FBXL6: variants seen among roughly 807,000 people sequenced by gnomAD.
FBXL6 encodes F-box/LRR-repeat protein 6.
Under a neutral mutation model 53.3 loss-of-function variants are expected in FBXL6, and 50 were observed. The observed-to-expected ratio is 0.94, with a 90% CI of 0.75 to 1.19. The LOEUF is 1.19. Among genes scored for constraint, FBXL6 ranks in the 50% most tolerant of loss-of-function variants. FBXL6 has a pLI of 0.00. For synonymous variants in FBXL6, 405 were observed against 322.9 expected (o/e 1.25, Z -2.73); for missense variants, 815 against 719.0 (o/e 1.13, Z -1.53).
intron 2 of FBXL6, 52 bp downstream of exon 2, chr8:144,357,576 G>A (rs200802955): frequency 1.6e-4 from 252 of 1,608,522 alleles, no homozygotes; most frequent in Admixed American, 1.4e-3. Context: ...CTTGGTGCAG[G>A]GAGACGGAAG....
At chr8:144,357,532 T>A in intron 2 of FBXL6, 30 bp from the exon 3 acceptor site, 1 of 1,613,124 alleles carries the variant, frequency 6.2e-7, no homozygotes, top group Non-Finnish European at 8.5e-7. Flanking sequence ...AGAGCTGCAC[T>A]AATGTTCCCA....
At position 144,358,355 on chromosome 8, in the gene FBXL6, C is replaced by T. The variant is rs1554853472; in HGVS notation, c.93G>A (p.Ala31=). The T allele has an allele frequency of 1.6e-6, 2 of 1,267,290 alleles. No individual in the cohort carries two copies. Among genetic ancestry groups the T allele is most frequent in the African/African-American group, 1.5e-5 (1 of 65,936 alleles). 78.5% of individuals were successfully genotyped at this position (1,267,290 alleles called of 1,614,324 possible). Residue 31 remains alanine (A), a synonymous_variant, in exon 1 of 9, where the codon GCG becomes GCA. Transcript: ENST00000331890. The part of the protein sequence containing the change: ...SAEDWWWDRL[A]PRGSGYHLLQ... ...GCAGGTGGTACCCCGAGCCCCTCGG[C>T]GCCAGCCGGTCCCACCACCAGTCCT...
In FBXL6 at chr8:144,356,697, TG is replaced by T; in HGVS notation, c.895del (p.Gln299SerfsTer7). ...LGALLGSCCP[Q>X]LQVLEVSTGI... ...GGTGCTCACCTCCAGGACCTGGAGC[TG>T]GGGGCAGCAGCTGCCCTGCAGAGAT... On this transcript the variant is annotated frameshift_variant, in exon 6 of 9. Transcript: ENST00000331890. LOFTEE classifies it high-confidence loss of function. The T allele has an allele frequency of 6.2e-7, 1 of 1,611,394 alleles. No homozygotes were observed. The highest frequency in any genetic ancestry group is 8.5e-7 in the Non-Finnish European group (1 of 1,179,702).
Position 144,356,841 on chromosome 8 carries a change from G to C in FBXL6, c.846C>G (p.Ser282Arg). 6.2e-7 allele frequency: 1 copy of C among 1,613,276 alleles called. No individual in the cohort carries two copies. Among genetic ancestry groups the C allele is most frequent in the Non-Finnish European group, 8.5e-7 (1 of 1,180,004 alleles). The change falls in exon 5 of 9, where the codon AGC (serine) becomes AGG (arginine). Residue 282 changes from serine (S) to arginine (R), a missense_variant. Ser to Arg is a moderately radical substitution (Grantham distance 110). Coordinates refer to ENST00000331890, the MANE Select transcript of FBXL6 (RefSeq NM_012162.4). ...CGCCCAGGATGGCTGTCGTCTGGGA[G>C]CTGTAGGTCAGCCACAACTTGCGCA... is the stretch of plus-strand genomic sequence containing the variant. Reference protein sequence around the residue: ...SRMRKLWLTYSSQTTAILGAL... With the variant: ...SRMRKLWLTYRSQTTAILGAL...
chr8:144,355,736 G>C (rs1818372396), intron 8 of FBXL6, 58 bp from the exon 9 acceptor site: 2 of 1,590,502 alleles, frequency 1.3e-6, no homozygotes, highest in South Asian at 2.2e-5. Context: ...GCTGGGCCAG[G>C]CTAGGGAGCT....
In FBXL6 at chr8:144,356,654, G is replaced by A. The variant is rs576727660; in HGVS notation, c.939C>T (p.Ser313=). 88 of 1,612,968 alleles carry A rather than the reference G, an allele frequency of 5.5e-5. No homozygotes were observed. The South Asian group carries it at 8.9e-4, about 16-fold the overall frequency. ...CCTCGACAGGCAGCTGAAGGGGAATGCTATTACGGTTGATGCCGGTGCTCA... is the reference window on the plus strand; with the variant it reads ...CCTCGACAGGCAGCTGAAGGGGAATACTATTACGGTTGATGCCGGTGCTCA... ...LEVSTGINRN[S]IPLQLPVEAL... Residue 313 remains serine, a synonymous_variant, in exon 6 of 9, where the codon AGC becomes AGT. Coordinates refer to ENST00000331890, the MANE Select transcript of FBXL6 (RefSeq NM_012162.4).
chr8:144,357,848 G>T, intron 1 of FBXL6, 62 bp from the exon 2 acceptor site: 2 of 1,450,902 alleles, frequency 1.4e-6, no homozygotes, highest in Non-Finnish European at 1.8e-6. Context: ...CTCTCGCAGC[G>T]CAGTAGACAC....
rs782240396 is a variant in FBXL6 at position 144,358,169 on chromosome 8, G to C, written c.279C>G (p.Pro93=). ...TGGGCGTGGGTGCCGGTGCGGGTGC[G>C]GGCGCGGCCGCCGCCTCGGACCTGA... The part of the protein sequence containing the change: ...AGLRSEAAAA[P]APAPAPTPTP... The change falls in exon 1 of 9, where the codon CCC becomes CCG. Residue 93 remains proline (P), a synonymous_variant. Coordinates refer to ENST00000331890, the MANE Select transcript of FBXL6 (RefSeq NM_012162.4). The C allele has an allele frequency of 8.8e-6, 13 of 1,484,582 alleles. No homozygotes were observed. Among genetic ancestry groups the C allele is most frequent in the South Asian group, 1.3e-5 (1 of 76,866 alleles). 92.0% of individuals were successfully genotyped at this position (1,484,582 alleles called of 1,614,324 possible). A position where few individuals can be genotyped will look rare whatever the true frequency, so the allele number is the denominator to read the frequency against.
chr8:144,358,334 G>C lies in FBXL6; in HGVS notation c.114C>G (p.His38Gln). ...GCAGCATGCTGTCGGACTGCAGCAG[G>C]TGGTACCCCGAGCCCCTCGGCGCCA... ...DRLAPRGSGYHLLQSDSMLLV... is the reference protein window; with the variant it reads ...DRLAPRGSGYQLLQSDSMLLV... Residue 38 changes from histidine (H) to glutamine (Q), a missense_variant, in exon 1 of 9, where the codon CAC becomes CAG. Transcript: ENST00000331890. 7.9e-7 allele frequency: 1 copy of C among 1,268,124 alleles called. No homozygotes were observed. Among genetic ancestry groups the C allele is most frequent in the Non-Finnish European group, 9.9e-7 (1 of 1,008,566 alleles). 78.6% of individuals were successfully genotyped at this position (1,268,124 alleles called of 1,614,324 possible).
rs782387578 is a variant in FBXL6 at position 144,357,836 on chromosome 8, C to G, written c.417-50G>C. The G allele has an allele frequency of 2.8e-4, 403 of 1,458,006 alleles. 1 individual carries two copies. The highest frequency in any genetic ancestry group is 3.5e-4 in the Non-Finnish European group (386 of 1,109,584). 90.3% of individuals were successfully genotyped at this position (1,458,006 alleles called of 1,614,324 possible). ...GCCGGCCCCTCCGTAGGCGATGCCC[C>G]CCTCTCGCAGCGCAGTAGACACCCC... is the stretch of plus-strand genomic sequence containing the variant. On this transcript the variant is annotated intron_variant, in intron 1 of 8. Transcript: ENST00000331890.
rs1564648832 is a variant in FBXL6 at position 144,356,673 on chromosome 8, G to A, written c.920C>T (p.Thr307Ile). 1 of 1,612,780 alleles carries A rather than the reference G, an allele frequency of 6.2e-7. No individual in the cohort carries two copies. The highest frequency in any genetic ancestry group is 8.5e-7 in the Non-Finnish European group (1 of 1,179,998). The change falls in exon 6 of 9, where the codon ACC becomes ATC. Residue 307 changes from threonine (T) to isoleucine (I), a missense_variant. By Grantham distance (89) the Thr-to-Ile change is moderately conservative. Transcript: ENST00000331890. ...CPQLQVLEVS[T>I]GINRNSIPLQ... Reference sequence around the variant, plus strand: ...GGGAATGCTATTACGGTTGATGCCGGTGCTCACCTCCAGGACCTGGAGCTG... The same window carrying A: ...GGGAATGCTATTACGGTTGATGCCGATGCTCACCTCCAGGACCTGGAGCTG...
chr8:144,357,955 C>T, intron 1 of FBXL6, 77 bp downstream of exon 1: 1 of 1,478,684 alleles, frequency 6.8e-7, no homozygotes, highest in Non-Finnish European at 8.9e-7. Flanking sequence ...TCGCCCTCCG[C>T]CCCCGCCCGG....
rs1586539133 is a variant in FBXL6 at position 144,355,903 on chromosome 8, C to T, written c.1472+65G>A. ...TCTCAGGCCAGGCAGGACACAACTT[C>T]CAGGCCCCAGGCAGACACAGTGACA... On this transcript the variant is annotated intron_variant, in intron 8 of 8. Transcript: ENST00000331890. 11 of 1,594,786 alleles carry T rather than the reference C, an allele frequency of 6.9e-6. 1 individual carries two copies. Among genetic ancestry groups the T allele is most frequent in the South Asian group, 3.4e-5 (3 of 88,790 alleles).
intron 4 of FBXL6, 37 bp downstream of exon 4, chr8:144,356,953 T>C (rs782070332): frequency 6.2e-7 from 1 of 1,613,060 alleles, no homozygotes; most frequent in East Asian, 2.2e-5. Context: ...CACCCCGGCC[T>C]GGGTTTTTTC....
At position 144,355,644 on chromosome 8, in the gene FBXL6, G is replaced by A. The variant is rs782689624; in HGVS notation, c.1507C>T (p.Leu503Phe). The A allele has an allele frequency of 2.7e-5, 43 of 1,610,838 alleles. No homozygotes were observed. The highest frequency in any genetic ancestry group is 3.6e-5 in the Non-Finnish European group (42 of 1,179,810). The change falls in exon 9 of 9, where the codon CTC (leucine) becomes TTC (phenylalanine). Residue 503 changes from leucine (L) to phenylalanine (F), a missense_variant. Coordinates refer to ENST00000331890, the MANE Select transcript of FBXL6 (RefSeq NM_012162.4). ...VISGCPGLLYLNLESCRCLPR... is the reference protein window; with the variant it reads ...VISGCPGLLYFNLESCRCLPR... The stretch of plus-strand genomic sequence containing the variant: ...AGGCAGCGGCAGGACTCCAGGTTGA[G>A]GTAGAGCAGGCCCGGGCAGCCGCTG...
Position 144,355,601 on chromosome 8 carries a change from C to G in FBXL6, c.1550G>C (p.Arg517Pro). The change falls in exon 9 of 9, where the codon CGG becomes CCG. Residue 517 changes from arginine (R) to proline (P), a missense_variant. Coordinates refer to ENST00000331890, the MANE Select transcript of FBXL6 (RefSeq NM_012162.4). ...GACTTCCTCCAGGCCCCGGTAGGCC[C>G]GCTTCAGACCCCGGGGAAGGCAGCG... ...SCRCLPRGLKRAYRGLEEVQW... is the reference protein window; with the variant it reads ...SCRCLPRGLKPAYRGLEEVQW... 1 of 1,611,204 alleles carries G rather than the reference C, an allele frequency of 6.2e-7. No individual in the cohort carries two copies. The highest frequency in any genetic ancestry group is 8.5e-7 in the Non-Finnish European group (1 of 1,179,918).
chr8:144,356,234 C>G lies in FBXL6; in HGVS notation c.1226-20G>C. Reference sequence around the variant, plus strand: ...CCAGCTCTGCAGTGAAAGGAGTGAGCATAAGCTACAAGGTGACAAGGGCCC... The same window carrying G: ...CCAGCTCTGCAGTGAAAGGAGTGAGGATAAGCTACAAGGTGACAAGGGCCC... On this transcript the variant is annotated intron_variant, in intron 7 of 8. Transcript: ENST00000331890. The G allele has an allele frequency of 2.5e-6, 4 of 1,611,612 alleles. No homozygotes were observed. Among genetic ancestry groups the G allele is most frequent in the Non-Finnish European group, 3.4e-6 (4 of 1,179,984 alleles).
chr8:144,355,880 T>C, intron 8 of FBXL6, 88 bp downstream of exon 8: 1 of 1,577,764 alleles, frequency 6.3e-7, no homozygotes, highest in Non-Finnish European at 8.6e-7. Context: ...CCTGGAGGTC[T>C]CAGGCCAGGC....
At chr8:144,357,335 C>T in intron 3 of FBXL6, 104 bp downstream of exon 3, 1 of 1,327,174 alleles carries the variant, frequency 7.5e-7, no homozygotes, top group Non-Finnish European at 1.0e-6. Flanking sequence ...GCAGACATCC[C>T]CACGGAGCAG....
Sources: gnomAD v4.1 joint callset for allele counts on GRCh38, gnomAD v4.1.1 for gene constraint, MANE v1.5 for transcripts, NCBI Gene and HGNC (gene_info 2026-07-23, HGNC 2026-07-21) for gene names.